The following WASHC5 variants were observed in gnomAD, a reference collection of about 807,000 sequenced individuals.
WASHC5 encodes WASH complex subunit 5.
A neutral mutation model predicts 150.4 loss-of-function variants in WASHC5; 101 were observed. That is an observed-to-expected ratio of 0.67 (90% CI 0.57 to 0.79). The LOEUF (loss-of-function observed/expected upper bound fraction) is 0.79, where lower values mean the gene tolerates loss of function less well. Among genes scored for constraint, WASHC5 ranks in the 30% least tolerant of loss-of-function variants. WASHC5 has a pLI of 0.00. For synonymous variants in WASHC5, 467 were observed against 491.2 expected (o/e 0.95, Z 0.65); for missense variants, 1,195 against 1,396.3 (o/e 0.86, Z 2.30).
intron 1 of WASHC5, among the ~76,000 whole-genome samples, chr8:125,091,157 T>C (rs1255321165): frequency 6.6e-6 from 1 of 151,882 alleles, no homozygotes; most frequent in African/African-American, 2.4e-5. Context: ...ATGCAAAGGA[T>C]TTTGACATCA....
intron 9 of WASHC5, among the ~76,000 whole-genome samples, chr8:125,072,014 CACTTCT>C (rs1312256361): frequency 6.6e-6 from 1 of 152,098 alleles, no homozygotes; most frequent in East Asian, 1.9e-4. Flanking sequence ...CTGGTTCTGA[CACTTCT>C]ACCTCCCTCT....
At chr8:125,063,699 A>T (rs986450071) in intron 10 of WASHC5, 48 bp from the exon 11 acceptor site, 1 of 1,579,768 alleles carries the variant, frequency 6.3e-7, no homozygotes, top group Admixed American at 1.7e-5. Flanking sequence ...AAAAATCCAG[A>T]CTAGGCAGCT....
chr8:125,067,566 G>T (rs370511599), intron 10 of WASHC5, 26 bp downstream of exon 10: 9 of 1,578,402 alleles, frequency 5.7e-6, no homozygotes, highest in Non-Finnish European at 7.0e-6. Flanking sequence ...CTAAGACTGT[G>T]GTGATATTCA....
Position 125,047,206 on chromosome 8 carries a change from C to T in WASHC5, c.2504+1G>A. On this transcript the variant is annotated splice_donor_variant, in intron 20 of 28. Transcript: ENST00000318410. LOFTEE classifies it high-confidence loss of function. ...GCTCTGTAGAATTCAGGTACACCTA[C>T]TTTGGGTCTGTGATCCGCAGGATTT... is the stretch of plus-strand genomic sequence containing the variant. 2 of 1,614,014 alleles carry T rather than the reference C, an allele frequency of 1.2e-6. No homozygotes were observed. Among genetic ancestry groups the T allele is most frequent in the South Asian group, 1.1e-5 (1 of 91,070 alleles).
intron 10 of WASHC5, among the ~76,000 whole-genome samples, chr8:125,063,926 C>T (rs1282516037): frequency 1.3e-5 from 2 of 152,104 alleles, no homozygotes; most frequent in African/African-American, 2.4e-5. Flanking sequence ...CAAGGCCCAC[C>T]CCCAAAGATT....
intron 1 of WASHC5, among the ~76,000 whole-genome samples, chr8:125,085,313 G>A (rs944406297): frequency 1.6e-4 from 25 of 152,098 alleles, no homozygotes; most frequent in African/African-American, 6.0e-4. Flanking sequence ...AGGAATTCGG[G>A]GCTAGAGAAA....
In WASHC5 at chr8:125,082,468, C is replaced by T; in HGVS notation, c.333-1G>A. 6.6e-7 allele frequency: 1 copy of T among 1,506,770 alleles called. No homozygotes were observed. The highest frequency in any genetic ancestry group is 9.2e-7 in the Non-Finnish European group (1 of 1,083,152). The allele number at this position is 1,506,770 out of a possible 1,614,324, so 93.3% of individuals were successfully genotyped here. On this transcript the variant is annotated splice_acceptor_variant, in intron 3 of 28. Transcript: ENST00000318410. LOFTEE classifies it high-confidence loss of function. ...CCCTTCATTGAGATCATCTAGATATCTAGAAATAAAACCACAGTGCAAGTT... is the reference window on the plus strand; with the variant it reads ...CCCTTCATTGAGATCATCTAGATATTTAGAAATAAAACCACAGTGCAAGTT...
At chr8:125,049,973 T>C (rs1319126551) in intron 18 of WASHC5, among the ~76,000 whole-genome samples, 2 of 151,666 alleles carry the variant, frequency 1.3e-5, no homozygotes, top group African/African-American at 4.8e-5. Context: ...ATTCAGCAAA[T>C]AAATGATTTC....
At chr8:125,047,437 A>G in intron 19 of WASHC5, 106 bp from the exon 20 acceptor site, 1 of 1,224,314 alleles carries the variant, frequency 8.2e-7, no homozygotes, top group Non-Finnish European at 1.2e-6. Flanking sequence ...GAGTGACAAT[A>G]AAGGTTGTTT....
chr8:125,071,507 G>GT (rs1816895115), intron 9 of WASHC5, among the ~76,000 whole-genome samples: 1 of 152,136 alleles, frequency 6.6e-6, no homozygotes, highest in Non-Finnish European at 1.5e-5. Flanking sequence ...TTTCAAAATC[G>GT]TATCACTTAT....
intron 17 of WASHC5, among the ~76,000 whole-genome samples, chr8:125,053,038 A>T (rs1816290295): frequency 6.6e-6 from 1 of 152,196 alleles, no homozygotes. Context: ...ACTATACTGA[A>T]AGTGAAAAAC....
intron 17 of WASHC5, among the ~76,000 whole-genome samples, chr8:125,054,756 C>T (rs28610111): frequency 0.11 from 16,400 of 151,110 alleles, 2,080 homozygotes; most frequent in African/African-American, 0.3. Flanking sequence ...GAGGTGGAGC[C>T]TGCAGGGAGC....
intron 18 of WASHC5, among the ~76,000 whole-genome samples, chr8:125,049,564 T>TA (rs1384511951): frequency 7.8e-6 from 1 of 127,932 alleles, no homozygotes; most frequent in Non-Finnish European, 1.7e-5. Context: ...CTTAAAAAAA[T>TA]AAAAAATAAG....
Position 125,066,909 on chromosome 8 carries a change from A to G in WASHC5, c.1278+683T>C, listed in dbSNP as rs16900331. 4.1e-4 allele frequency among the ~76,000 whole-genome samples: 63 copies of G among 152,320 alleles called. No individual in the cohort carries two copies. In the East Asian group the frequency reaches 0.01, roughly 24 times the overall value. On this transcript the variant is annotated intron_variant, in intron 10 of 28. Coordinates refer to ENST00000318410, the MANE Select transcript of WASHC5 (RefSeq NM_014846.4). Reference sequence around the variant, plus strand: ...TTCAGAAGCTCTTGCGTCTCTTCTCATGGAAGTCTACCAGGATGCAACAGG... The same window carrying G: ...TTCAGAAGCTCTTGCGTCTCTTCTCGTGGAAGTCTACCAGGATGCAACAGG...
rs775481571 is a variant in WASHC5, at chr8:125,047,351, A to G, written c.2380-20T>C. On this transcript the variant is annotated intron_variant, in intron 19 of 28. Coordinates refer to ENST00000318410, the MANE Select transcript of WASHC5 (RefSeq NM_014846.4). ...TTGAATCTAGAAAACAAAACCATCA[A>G]TATTTAGTAAACCTTTGATAAGATA... 1.2e-6 allele frequency: 2 copies of G among 1,610,886 alleles called. No homozygotes were observed. The highest frequency in any genetic ancestry group is 2.7e-5 in the African/African-American group (2 of 74,836).
intron 5 of WASHC5, among the ~76,000 whole-genome samples, chr8:125,080,945 C>T (rs1817240087): frequency 6.6e-6 from 1 of 152,142 alleles, no homozygotes; most frequent in Non-Finnish European, 1.5e-5. Context: ...ACACTTATTT[C>T]CTTATATCTG....
At chr8:125,062,879 T>G (rs2130116053) in intron 11 of WASHC5, among the ~76,000 whole-genome samples, 1 of 152,312 alleles carries the variant, frequency 6.6e-6, no homozygotes, top group Admixed American at 6.5e-5. Flanking sequence ...GTTAGAAATT[T>G]CTTATTTATA....
At chr8:125,039,098 A>C in intron 24 of WASHC5, 139 bp from the exon 25 acceptor site, 3 of 958,248 alleles carry the variant, frequency 3.1e-6, no homozygotes, top group Non-Finnish European at 1.6e-6. Flanking sequence ...GCTAATTCTC[A>C]ACCATGCCTG....
At chr8:125,062,188 G>A (rs1220838680) in intron 11 of WASHC5, among the ~76,000 whole-genome samples, 2 of 152,174 alleles carry the variant, frequency 1.3e-5, no homozygotes, top group Non-Finnish European at 2.9e-5. Context: ...GGTCTGAGAT[G>A]AGTGAGACCC....
Sources: gnomAD v4.1 joint callset for allele counts (sites outside exome capture counted in the v4.1 genomes callset) on GRCh38, gnomAD v4.1.1 for gene constraint, MANE v1.5 for transcripts, NCBI Gene and HGNC (gene_info 2026-07-23, HGNC 2026-07-21) for gene names.